HIVEP2: variants seen among roughly 807,000 people sequenced by gnomAD.
HIVEP2 encodes the protein transcription factor HIVEP2.
In HIVEP2, 14 loss-of-function variants were observed where a neutral mutation model predicts 180.7. The ratio of observed to expected loss-of-function variants is 0.08; its 90% confidence interval spans 0.05 to 0.12. The LOEUF (loss-of-function observed/expected upper bound fraction) is 0.12, where lower values mean the gene tolerates loss of function less well. Among genes scored for constraint, HIVEP2 ranks in the 10% least tolerant of loss-of-function variants. The probability of loss-of-function intolerance (pLI) is 1.00; values close to 1 mark genes in which losing one functional copy is unlikely to be tolerated. For synonymous variants in HIVEP2, 1,184 were observed against 1,136.4 expected (o/e 1.04, Z -0.84); for missense variants, 2,579 against 3,008.5 (o/e 0.86, Z 3.34).
intron 1 of HIVEP2, among the ~76,000 whole-genome samples, chr6:142,900,387 T>C (rs1012046308): frequency 1.3e-5 from 2 of 152,114 alleles, no homozygotes; most frequent in Non-Finnish European, 2.9e-5. Context: ...CACCAATCAC[T>C]CCACGCCACC....
chr6:142,774,953 T>G lies in HIVEP2; in HGVS notation c.-215A>C. ...CCTTGGACCAGGGCTATAACACAGTTCTCTCCATTGTAGAAACGTCCATCC... is the reference window on the plus strand; with the variant it reads ...CCTTGGACCAGGGCTATAACACAGTGCTCTCCATTGTAGAAACGTCCATCC... On this transcript the variant is annotated 5_prime_UTR_variant, in exon 5 of 10. Coordinates refer to ENST00000367603, the MANE Select transcript of HIVEP2 (RefSeq NM_006734.4). This position sits in a 1 kb window ranked among gnomAD's most constrained non-coding sequence, Gnocchi z 5.1. 4 of 1,363,250 alleles carry G rather than the reference T, an allele frequency of 2.9e-6. No homozygotes were observed. The highest frequency in any genetic ancestry group is 3.8e-6 in the Non-Finnish European group (4 of 1,061,446). 84.4% of individuals were successfully genotyped at this position (1,363,250 alleles called of 1,614,324 possible). A position where few individuals can be genotyped will look rare whatever the true frequency, so the allele number is the denominator to read the frequency against.
At chr6:142,793,265 C>A (rs1776184847) in intron 2 of HIVEP2, among the ~76,000 whole-genome samples, 1 of 152,102 alleles carries the variant, frequency 6.6e-6, no homozygotes, top group African/African-American at 2.4e-5. Flanking sequence ...ATATATCTCT[C>A]ATAATTCTAC....
chr6:142,814,063 C>T (rs1327053697), intron 2 of HIVEP2, among the ~76,000 whole-genome samples: 1 of 151,570 alleles, frequency 6.6e-6, no homozygotes, highest in African/African-American at 2.4e-5. Flanking sequence ...AAAGCACTAG[C>T]AAGCAGAAGC....
intron 2 of HIVEP2, among the ~76,000 whole-genome samples, chr6:142,833,181 C>T (rs1392386340): frequency 6.6e-6 from 1 of 151,978 alleles, no homozygotes; most frequent in Non-Finnish European, 1.5e-5. Flanking sequence ...CTAAAACCAA[C>T]CCCCCCACCA....
In HIVEP2 at chr6:142,770,973, G is replaced by T. The variant is rs1554276487; in HGVS notation, c.3766C>A (p.Pro1256Thr). The change falls in exon 5 of 10, where the codon CCC (proline) becomes ACC (threonine). Residue 1256 changes from proline (P) to threonine (T), a missense_variant. Physicochemically the swap from Pro to Thr is conservative, Grantham distance 38. This residue lies in a region of HIVEP2 where 523 missense variants were observed against 577.0 expected (regional missense o/e 0.91). Coordinates refer to ENST00000367603, the MANE Select transcript of HIVEP2 (RefSeq NM_006734.4). The surrounding 1 kb of genome is among the most constrained non-coding windows in gnomAD (Gnocchi z 4.7). ...SFQTEIHSSY[P>T]LEHVAEHTGK... ...GTGTGCTCTGCCACATGCTCTAAGG[G>T]ATAGCTCGAATGGATTTCTGTCTGA... The T allele has an allele frequency of 6.2e-7, 1 of 1,614,182 alleles. No individual in the cohort carries two copies. The highest frequency in any genetic ancestry group is 8.5e-7 in the Non-Finnish European group (1 of 1,180,030).
rs368336925 is a variant in HIVEP2, at chr6:142,753,590, A to T, written c.6858T>A (p.Gly2286=). Residue 2286 remains glycine (G), a synonymous_variant, in exon 10 of 10, where the codon GGT becomes GGA. Coordinates refer to ENST00000367603, the MANE Select transcript of HIVEP2 (RefSeq NM_006734.4). ...GACCAGATGACTGCAAAGCGTGAGG[A>T]CCTCGCTTCTCATGCTGCTTAGAAA... is the stretch of plus-strand genomic sequence containing the variant. The part of the protein sequence containing the change: ...YVLSKQHEKR[G]PHALQSSGPP... 2.7e-4 allele frequency: 433 copies of T among 1,614,024 alleles called. 4 individuals carry two copies. In the South Asian group the frequency reaches 3.4e-3, roughly 13 times the overall value.
At chr6:142,875,020 A>C (rs1397395068) in intron 1 of HIVEP2, among the ~76,000 whole-genome samples, 1 of 152,220 alleles carries the variant, frequency 6.6e-6, no homozygotes, top group Non-Finnish European at 1.5e-5. Flanking sequence ...CACTGGGGAC[A>C]GACAGACAAA....
chr6:142,813,851 C>T (rs1001163401), intron 2 of HIVEP2, among the ~76,000 whole-genome samples: 1 of 151,890 alleles, frequency 6.6e-6, no homozygotes, highest in Non-Finnish European at 1.5e-5. Context: ...CAGGCATGAG[C>T]CACCATGCCT....
chr6:142,866,117 G>A (rs1012163835), intron 1 of HIVEP2, among the ~76,000 whole-genome samples: 9 of 120,346 alleles, frequency 7.5e-5, no homozygotes, highest in African/African-American at 2.4e-4. Context: ...GCAGCATGCT[G>A]CAACTGGTGA....
intron 1 of HIVEP2, among the ~76,000 whole-genome samples, chr6:142,858,599 AT>A (rs1371146450): frequency 2.6e-5 from 4 of 151,184 alleles, no homozygotes; most frequent in Non-Finnish European, 4.4e-5. Flanking sequence ...AATTAAATAA[AT>A]TTTTTTTTGA....
chr6:142,862,430 T>C (rs575117554), intron 1 of HIVEP2, among the ~76,000 whole-genome samples: 5 of 114,330 alleles, frequency 4.4e-5, no homozygotes, highest in East Asian at 2.7e-4. Context: ...ACATGTATCA[T>C]ATATTTTATA....
chr6:142,901,799 C>G (rs1269617816), intron 1 of HIVEP2, among the ~76,000 whole-genome samples: 2 of 152,180 alleles, frequency 1.3e-5, no homozygotes, highest in African/African-American at 4.8e-5. Flanking sequence ...TACAACTTGA[C>G]TACGAAAATG....
intron 2 of HIVEP2, among the ~76,000 whole-genome samples, chr6:142,810,402 A>G (rs1323944710): frequency 6.6e-6 from 1 of 152,190 alleles, no homozygotes; most frequent in East Asian, 1.9e-4. Context: ...TTTCAGTAAG[A>G]AACTCAATCC....
chr6:142,767,267 T>C (rs1406125532), intron 6 of HIVEP2, among the ~76,000 whole-genome samples: 1 of 152,176 alleles, frequency 6.6e-6, no homozygotes, highest in Non-Finnish European at 1.5e-5. Context: ...TCTATATTTC[T>C]CTCGTTTGTG....
intron 9 of HIVEP2, among the ~76,000 whole-genome samples, chr6:142,759,461 T>C (rs1775164444): frequency 6.6e-6 from 1 of 152,166 alleles, no homozygotes; most frequent in Admixed American, 6.5e-5. Context: ...TAAAGGTTCA[T>C]CTTTTTTACT....
chr6:142,797,279 A>G (rs1485560936), intron 2 of HIVEP2, among the ~76,000 whole-genome samples: 1 of 152,192 alleles, frequency 6.6e-6, no homozygotes, highest in Non-Finnish European at 1.5e-5. Flanking sequence ...AGAATTCATT[A>G]AACTTCATCT....
At chr6:142,902,927 A>G (rs1174602221) in intron 1 of HIVEP2, among the ~76,000 whole-genome samples, 1 of 152,206 alleles carries the variant, frequency 6.6e-6, no homozygotes, top group Non-Finnish European at 1.5e-5. Flanking sequence ...TTTGTGATGA[A>G]ACAGGATGTT....
intron 7 of HIVEP2, among the ~76,000 whole-genome samples, chr6:142,763,265 G>A (rs936098269): frequency 6.6e-6 from 1 of 152,140 alleles, no homozygotes; most frequent in Non-Finnish European, 1.5e-5. Context: ...AAGGAGAGTG[G>A]CGGGGGAGGC....
At chr6:142,814,517 T>C (rs1055245338) in intron 2 of HIVEP2, among the ~76,000 whole-genome samples, 1 of 152,088 alleles carries the variant, frequency 6.6e-6, no homozygotes, top group Admixed American at 6.6e-5. Flanking sequence ...AGGAGGCTGA[T>C]TACAGAGATA....
Sources: gnomAD v4.1 joint callset for allele counts (sites outside exome capture counted in the v4.1 genomes callset) on GRCh38, gnomAD v4.1.1 for gene constraint, gnomAD v4.1.1 regional missense constraint, Gnocchi (gnomAD v3.1) non-coding constraint, MANE v1.5 for transcripts, NCBI Gene and HGNC (gene_info 2026-07-23, HGNC 2026-07-21) for gene names.